KAZN: variants seen among roughly 807,000 people sequenced by gnomAD.
KAZN encodes the protein kazrin, periplakin interacting protein.
KAZN carries 40 observed loss-of-function variants against 87.4 expected under a neutral mutation model. That is an observed-to-expected ratio of 0.46 (90% CI 0.36 to 0.60). The LOEUF (loss-of-function observed/expected upper bound fraction) is 0.60. KAZN is among the 20% of genes least tolerant of loss of function. KAZN has a pLI of 0.00. For missense variants in KAZN, 898 were observed against 1,073.9 expected (o/e 0.84, Z 2.29); for synonymous variants, 466 against 458.3 (o/e 1.02, Z -0.22).
intron 13 of KAZN, among the ~76,000 whole-genome samples, chr1:15,110,556 T>TGTGC (rs1557807447): frequency 6.6e-6 from 1 of 152,060 alleles, no homozygotes; most frequent in Non-Finnish European, 1.5e-5. Context: ...TGTTTGTGTG[T>TGTGC]GTGTGTGTGT....
At chr1:14,277,072 CTTTCTATTTTTT>C (rs1465320163) in intron 2 of KAZN, among the ~76,000 whole-genome samples, 1 of 152,130 alleles carries the variant, frequency 6.6e-6, no homozygotes, top group African/African-American at 2.4e-5. Context: ...TCCTCTTTTT[CTTTCTATTTTTT>C]ACAATCTTTG....
At chr1:14,369,031 G>T (rs562976004) in intron 2 of KAZN, among the ~76,000 whole-genome samples, 1 of 152,324 alleles carries the variant, frequency 6.6e-6, no homozygotes, top group South Asian at 2.1e-4. Flanking sequence ...GGCTTCCCGG[G>T]AGTTGAATAA....
At chr1:14,146,044 T>C (rs111794498) in intron 1 of KAZN, among the ~76,000 whole-genome samples, 1 of 152,314 alleles carries the variant, frequency 6.6e-6, no homozygotes, top group African/African-American at 2.4e-5. Flanking sequence ...TTTGGAGACC[T>C]TGTTCTGAGG....
intron 1 of KAZN, among the ~76,000 whole-genome samples, chr1:14,614,429 C>G (rs377086543): frequency 4.6e-5 from 7 of 152,304 alleles, no homozygotes; most frequent in Admixed American, 4.6e-4. Flanking sequence ...GGCTGGAGGG[C>G]TCTGCAGGAC....
chr1:14,306,655 C>T (rs2027316), intron 2 of KAZN, among the ~76,000 whole-genome samples: 37,334 of 152,064 alleles, frequency 0.25, 4,904 homozygotes, highest in Middle Eastern at 0.29. Flanking sequence ...GGCCCCAACC[C>T]CTGACCACAG....
intron 2 of KAZN, among the ~76,000 whole-genome samples, chr1:14,256,166 C>T (rs962509287): frequency 1.3e-5 from 2 of 152,072 alleles, no homozygotes; most frequent in African/African-American, 2.4e-5. Context: ...GCTGTTAACT[C>T]AGGAAAGATG....
chr1:14,540,190 T>A (rs1319526286), intron 2 of KAZN, among the ~76,000 whole-genome samples: 1 of 152,130 alleles, frequency 6.6e-6, no homozygotes, highest in East Asian at 1.9e-4. Flanking sequence ...CATCAGTGCT[T>A]TGGAGGAGGA....
At chr1:14,716,996 C>T (rs1557911894) in intron 1 of KAZN, among the ~76,000 whole-genome samples, 1 of 151,564 alleles carries the variant, frequency 6.6e-6, no homozygotes, top group Non-Finnish European at 1.5e-5. Flanking sequence ...ATGCCTTCTC[C>T]TCCAGCCCTG....
intron 1 of KAZN, among the ~76,000 whole-genome samples, chr1:14,615,818 G>A (rs1259551798): frequency 1.3e-5 from 2 of 152,156 alleles, no homozygotes; most frequent in East Asian, 3.8e-4. Flanking sequence ...TTTGGCATTT[G>A]GTAAGACTTC....
intron 1 of KAZN, among the ~76,000 whole-genome samples, chr1:14,665,733 A>T (rs1014045503): frequency 5.3e-5 from 8 of 152,050 alleles, no homozygotes; most frequent in African/African-American, 1.7e-4. Context: ...TAGACACTGG[A>T]CTTGGCCCAC....
At chr1:15,013,008 G>A (rs1669730858) in intron 2 of KAZN, among the ~76,000 whole-genome samples, 1 of 152,188 alleles carries the variant, frequency 6.6e-6, no homozygotes, top group South Asian at 2.1e-4. Flanking sequence ...CAGAGGCTCA[G>A]CCAGGTTCCC....
At chr1:14,357,812 G>A (rs1659164007) in intron 2 of KAZN, among the ~76,000 whole-genome samples, 1 of 152,140 alleles carries the variant, frequency 6.6e-6, no homozygotes, top group Non-Finnish European at 1.5e-5. Flanking sequence ...ATGTGCTGCT[G>A]GATTCGGTTT....
At chr1:14,077,023 G>A (rs546713114) in intron 1 of KAZN, among the ~76,000 whole-genome samples, 91 of 152,132 alleles carry the variant, frequency 6.0e-4, no homozygotes, top group African/African-American at 1.7e-3. Flanking sequence ...TAGGGTCCCC[G>A]TTCTCAGCCC....
intron 2 of KAZN, among the ~76,000 whole-genome samples, chr1:14,309,200 A>G (rs1655123208): frequency 6.6e-6 from 1 of 152,246 alleles, no homozygotes; most frequent in Non-Finnish European, 1.5e-5. Context: ...AAATTGCAAC[A>G]GGATAAGCAA....
At chr1:14,387,922 G>T (rs796726035) in intron 2 of KAZN, among the ~76,000 whole-genome samples, 1 of 152,190 alleles carries the variant, frequency 6.6e-6, no homozygotes, top group African/African-American at 2.4e-5. Context: ...CCTCACTGCC[G>T]CTTTGCTGTT....
intron 2 of KAZN, among the ~76,000 whole-genome samples, chr1:14,547,793 G>A (rs1349156030): frequency 6.6e-6 from 1 of 152,042 alleles, no homozygotes; most frequent in Non-Finnish European, 1.5e-5. Flanking sequence ...GTTTCACCAT[G>A]TCGACCAGGA....
chr1:14,497,005 A>G (rs1323801733), intron 2 of KAZN, among the ~76,000 whole-genome samples: 2 of 152,210 alleles, frequency 1.3e-5, no homozygotes, highest in Admixed American at 6.5e-5. Flanking sequence ...TGCCTAAAGT[A>G]TTATATATAC....
chr1:14,890,986 G>A (rs1654652466), intron 1 of KAZN, among the ~76,000 whole-genome samples: 1 of 151,644 alleles, frequency 6.6e-6, no homozygotes, highest in Non-Finnish European at 1.5e-5. Context: ...TGGGACTACA[G>A]GCACCCGTCA....
intron 13 of KAZN, among the ~76,000 whole-genome samples, chr1:15,108,846 G>A (rs555317741): frequency 2.0e-5 from 3 of 152,100 alleles, no homozygotes; most frequent in South Asian, 2.1e-4. Context: ...CCATTTCCTC[G>A]AGGTCTAAGT....
Sources: gnomAD v4.1 joint callset for allele counts (sites outside exome capture counted in the v4.1 genomes callset) on GRCh38, gnomAD v4.1.1 for gene constraint, MANE v1.5 for transcripts, NCBI Gene and HGNC (gene_info 2026-07-23, HGNC 2026-07-21) for gene names.